GNAQ: variants seen among roughly 807,000 people sequenced by gnomAD.
The protein encoded by GNAQ is guanine nucleotide-binding protein G(q) subunit alpha.
GNAQ carries 8 observed loss-of-function variants against 43.9 expected under a neutral mutation model. That is an observed-to-expected ratio of 0.18 (90% CI 0.11 to 0.33). GNAQ has a LOEUF of 0.33. Ranked by LOEUF, GNAQ falls within the 10% of genes least tolerant of loss-of-function variation. The pLI, the probability that GNAQ is intolerant of heterozygous loss-of-function variation, is 1.00. For missense variants in GNAQ, 158 were observed against 450.8 expected (o/e 0.35, Z 5.88); for synonymous variants, 155 against 170.7 (o/e 0.91, Z 0.71).
At chr9:77,808,895 A>AAAAC (rs1826871234) in intron 3 of GNAQ, among the ~76,000 whole-genome samples, 1 of 151,940 alleles carries the variant, frequency 6.6e-6, no homozygotes, top group African/African-American at 2.4e-5. Flanking sequence ...AAAACAAAAC[A>AAAAC]AAAAAAACTA....
chr9:77,796,899 G>A (rs985543227), intron 4 of GNAQ, among the ~76,000 whole-genome samples: 10 of 152,136 alleles, frequency 6.6e-5, no homozygotes. Context: ...CAGTTAAAAT[G>A]ATTGCCCAAA....
chr9:78,016,526 A>T (rs1424911143), intron 1 of GNAQ, among the ~76,000 whole-genome samples: 1 of 152,146 alleles, frequency 6.6e-6, no homozygotes, highest in Non-Finnish European at 1.5e-5. Flanking sequence ...TCTACTAAAA[A>T]TACAAAAAAT....
At chr9:77,751,730 C>T (rs1342651259) in intron 5 of GNAQ, among the ~76,000 whole-genome samples, 1 of 152,058 alleles carries the variant, frequency 6.6e-6, no homozygotes, top group East Asian at 1.9e-4. Context: ...CCTGTAATTT[C>T]AATTTGATGG....
chr9:77,997,566 C>T (rs892913831), intron 1 of GNAQ, among the ~76,000 whole-genome samples: 1 of 152,094 alleles, frequency 6.6e-6, no homozygotes, highest in East Asian at 1.9e-4. Flanking sequence ...GTAAGTCAGG[C>T]GAGGTGATCA....
chr9:77,883,541 T>C (rs945953370), intron 2 of GNAQ, among the ~76,000 whole-genome samples: 5 of 152,072 alleles, frequency 3.3e-5, no homozygotes, highest in African/African-American at 1.2e-4. Flanking sequence ...TGCATGTTTT[T>C]ACATGGGTAT....
At position 78,031,086 on chromosome 9, in the gene GNAQ, C is replaced by G. The variant is rs1281217005; in HGVS notation, c.136+14G>C. 6.7e-7 allele frequency: 1 copy of G among 1,481,804 alleles called. No homozygotes were observed. The highest frequency in any genetic ancestry group is 9.0e-7 in the Non-Finnish European group (1 of 1,111,024). The allele number at this position is 1,481,804 out of a possible 1,614,324, so 91.8% of individuals were successfully genotyped here. ...GGGGCGCAGAGGCCCGGCGGGGCCC[C>G]GGACGGTACTCACCGAGCAGCAGCA... is the stretch of plus-strand genomic sequence containing the variant. On this transcript the variant is annotated intron_variant, in intron 1 of 6. Transcript: ENST00000286548.
intron 2 of GNAQ, among the ~76,000 whole-genome samples, chr9:77,818,131 A>G (rs1333012253): frequency 6.6e-6 from 1 of 152,232 alleles, no homozygotes; most frequent in Non-Finnish European, 1.5e-5. Context: ...CCCGTTACTC[A>G]GAAGTCAACC....
At chr9:77,750,459 AATGATC>A (rs1423265235) in intron 5 of GNAQ, among the ~76,000 whole-genome samples, 1 of 152,190 alleles carries the variant, frequency 6.6e-6, no homozygotes, top group African/African-American at 2.4e-5. Flanking sequence ...TCCCACTAGT[AATGATC>A]ATGTTATCAT....
intron 5 of GNAQ, among the ~76,000 whole-genome samples, chr9:77,774,515 G>A (rs982916869): frequency 8.5e-5 from 13 of 152,158 alleles, no homozygotes; most frequent in African/African-American, 2.9e-4. Context: ...AGGCTGGAGT[G>A]TAGTGGCACA....
chr9:77,916,737 C>CA (rs1350481449), intron 2 of GNAQ, among the ~76,000 whole-genome samples: 8 of 151,556 alleles, frequency 5.3e-5, no homozygotes, highest in Admixed American at 4.6e-4. Context: ...TCAGGACTTT[C>CA]AAGTCTAAAA....
chr9:77,845,929 C>A (rs866039707), intron 2 of GNAQ, among the ~76,000 whole-genome samples: 2 of 152,148 alleles, frequency 1.3e-5, no homozygotes, highest in Middle Eastern at 3.2e-3. Context: ...CATGTCACAG[C>A]AGATCAAAGA....
At chr9:77,772,228 T>C (rs973420323) in intron 5 of GNAQ, among the ~76,000 whole-genome samples, 1 of 152,216 alleles carries the variant, frequency 6.6e-6, no homozygotes, top group African/African-American at 2.4e-5. Context: ...GACTGTGATA[T>C]CCTTTAACAT....
chr9:77,859,380 A>G (rs569111972), intron 2 of GNAQ, among the ~76,000 whole-genome samples: 38 of 152,368 alleles, frequency 2.5e-4, no homozygotes, highest in Non-Finnish European at 4.8e-4. Context: ...GATGTGAAAT[A>G]ATGATAAATT....
chr9:77,760,858 C>G (rs1414750865), intron 5 of GNAQ, among the ~76,000 whole-genome samples: 1 of 150,118 alleles, frequency 6.7e-6, no homozygotes, highest in East Asian at 2.0e-4. Context: ...TTTGCGCCAC[C>G]GCCCCGTCTG....
intron 2 of GNAQ, among the ~76,000 whole-genome samples, chr9:77,819,554 T>A (rs1827078946): frequency 6.6e-6 from 1 of 152,112 alleles, no homozygotes; most frequent in Non-Finnish European, 1.5e-5. Context: ...ACTTCCACAT[T>A]TGTGGAAGCT....
intron 2 of GNAQ, among the ~76,000 whole-genome samples, chr9:77,858,563 A>C (rs957389341): frequency 6.6e-6 from 1 of 152,070 alleles, no homozygotes; most frequent in African/African-American, 2.4e-5. Flanking sequence ...CCAAAAGCCT[A>C]CGTGTGGCTT....
intron 2 of GNAQ, among the ~76,000 whole-genome samples, chr9:77,886,131 T>A (rs931067682): frequency 5.9e-5 from 9 of 152,080 alleles, no homozygotes; most frequent in Admixed American, 3.9e-4. Flanking sequence ...CACGCCTGGC[T>A]AATTTTTGTA....
chr9:78,022,748 G>C (rs1823926412), intron 1 of GNAQ, among the ~76,000 whole-genome samples: 1 of 152,192 alleles, frequency 6.6e-6, no homozygotes, highest in Non-Finnish European at 1.5e-5. Context: ...GAGGAAAATT[G>C]CATTTGCCAT....
At chr9:77,849,814 C>T (rs572334565) in intron 2 of GNAQ, among the ~76,000 whole-genome samples, 2 of 152,266 alleles carry the variant, frequency 1.3e-5, no homozygotes, top group Admixed American at 6.5e-5. Context: ...ACTACAGGTG[C>T]GCCACCATGC....
Sources: gnomAD v4.1 joint callset for allele counts (sites outside exome capture counted in the v4.1 genomes callset) on GRCh38, gnomAD v4.1.1 for gene constraint, MANE v1.5 for transcripts, NCBI Gene and HGNC (gene_info 2026-07-23, HGNC 2026-07-21) for gene names.